SUDS3: variants seen among roughly 807,000 people sequenced by gnomAD.
The protein encoded by SUDS3 is SIN3A corepressor complex component SDS3.
Under a neutral mutation model 53.5 loss-of-function variants are expected in SUDS3, and 23 were observed. The observed-to-expected ratio is 0.43, with a 90% CI of 0.31 to 0.61. The LOEUF is 0.61. SUDS3 is among the 20% of genes least tolerant of loss of function. The pLI is 0.10. For missense variants in SUDS3, 291 were observed against 405.9 expected, an observed-to-expected ratio of 0.72 and a Z score of 2.43; for synonymous variants, 150 against 148.5, an observed-to-expected ratio of 1.01 and a Z score of -0.08.
intron 11 of SUDS3, among the ~76,000 whole-genome samples, chr12:118,412,529 T>G (rs1292390232): frequency 6.6e-6 from 1 of 152,180 alleles, no homozygotes; most frequent in African/African-American, 2.4e-5. Context: ...AGGATCCGTG[T>G]GAGTCCCCTC....
intron 2 of SUDS3, 70 bp downstream of exon 2, chr12:118,380,301 C>A: frequency 7.3e-7 from 1 of 1,361,164 alleles, no homozygotes; most frequent in Non-Finnish European, 1.0e-6. Context: ...TTGAGCATCC[C>A]AAATCTGAAA....
At chr12:118,388,897 C>G (rs2141368304) in intron 4 of SUDS3, among the ~76,000 whole-genome samples, 1 of 152,268 alleles carries the variant, frequency 6.6e-6, no homozygotes, top group Admixed American at 6.5e-5. Flanking sequence ...GCCTGTAATC[C>G]CAGCACTCTG....
chr12:118,412,095 C>G (rs955366455), intron 11 of SUDS3, among the ~76,000 whole-genome samples: 5 of 152,122 alleles, frequency 3.3e-5, no homozygotes, highest in African/African-American at 9.7e-5. Flanking sequence ...TTGGTCTCCT[C>G]GAGACACTCC....
chr12:118,403,422 C>T lies in SUDS3; in HGVS notation c.708C>T (p.Ser236=). ...ATTGGTTTCCTCCAGCATCTCCATCCTCTCCTGAGCACTTGCCTGCAACAC... is the reference window on the plus strand; with the variant it reads ...ATTGGTTTCCTCCAGCATCTCCATCTTCTCCTGAGCACTTGCCTGCAACAC... ...LKSPKRPASP[S]SPEHLPATPA... Residue 236 remains serine (S), a synonymous_variant, in exon 10 of 12, where the codon TCC becomes TCT. Transcript: ENST00000543473. 1 of 1,613,432 alleles carries T rather than the reference C, an allele frequency of 6.2e-7. No homozygotes were observed. Among genetic ancestry groups the T allele is most frequent in the Non-Finnish European group, 8.5e-7 (1 of 1,179,670 alleles).
At chr12:118,403,551 C>G in intron 10 of SUDS3, 34 bp downstream of exon 10, 1 of 1,538,122 alleles carries the variant, frequency 6.5e-7, no homozygotes, top group Non-Finnish European at 8.9e-7. Context: ...TAGTAAGAGT[C>G]TCATATGAAC....
intron 6 of SUDS3, among the ~76,000 whole-genome samples, chr12:118,391,575 T>C (rs1190516241): frequency 6.6e-6 from 1 of 152,254 alleles, no homozygotes; most frequent in Non-Finnish European, 1.5e-5. Flanking sequence ...GTTCAATAGT[T>C]GCTAGACCTT....
chr12:118,403,364 G>A (rs752392905), intron 9 of SUDS3, 48 bp from the exon 10 acceptor site: 34 of 1,401,744 alleles, frequency 2.4e-5, no homozygotes, highest in Admixed American at 1.6e-4. Context: ...TGGTAGACTC[G>A]CATGTGTTTG....
At chr12:118,395,216 GTTTTTTT>G (rs71772462) in intron 6 of SUDS3, among the ~76,000 whole-genome samples, 6 of 80,096 alleles carry the variant, frequency 7.5e-5, no homozygotes, top group Admixed American at 1.6e-4. Flanking sequence ...TGGAATCAGG[GTTTTTTT>G]TTTTTTTTTT....
chr12:118,386,195 C>CT lies in SUDS3; in HGVS notation c.340+13dup. 3 of 1,585,422 alleles carry CT rather than the reference C, an allele frequency of 1.9e-6. No individual in the cohort carries two copies. The highest frequency in any genetic ancestry group is 2.6e-6 in the Non-Finnish European group (3 of 1,163,896). On this transcript the variant is annotated intron_variant, in intron 4 of 11. Transcript: ENST00000543473. Reference sequence around the variant, plus strand: ...AGGATACGGAATGCAGGTAAGGCTCCTTTAAATGGCAATGAATCATCTTTC... The same window carrying CT: ...AGGATACGGAATGCAGGTAAGGCTCCTTTTAAATGGCAATGAATCATCTTTC...
In SUDS3 at chr12:118,403,449, C is replaced by A; in HGVS notation, c.735C>A (p.Pro245=). 1 of 1,613,736 alleles carries A rather than the reference C, an allele frequency of 6.2e-7. No individual in the cohort carries two copies. The highest frequency in any genetic ancestry group is 8.5e-7 in the Non-Finnish European group (1 of 1,179,822). ...PSSPEHLPAT[P]AESPAQRFEA... ...CTCCTGAGCACTTGCCTGCAACACC[C>A]GCGGAATCTCCAGCCCAGAGGTTCG... The change falls in exon 10 of 12, where the codon CCC becomes CCA. Residue 245 remains proline (P), a synonymous_variant. Coordinates refer to ENST00000543473, the MANE Select transcript of SUDS3 (RefSeq NM_022491.3).
intron 2 of SUDS3, among the ~76,000 whole-genome samples, chr12:118,382,287 A>G (rs776325987): frequency 1.3e-5 from 2 of 150,730 alleles, no homozygotes; most frequent in Non-Finnish European, 3.0e-5. Context: ...ACCTCAGATG[A>G]TCTGCTTGCT....
chr12:118,378,011 A>T (rs2046017523), intron 1 of SUDS3, among the ~76,000 whole-genome samples: 1 of 152,218 alleles, frequency 6.6e-6, no homozygotes, highest in African/African-American at 2.4e-5. Flanking sequence ...CATTCGATTT[A>T]ATTCCATCAG....
intron 6 of SUDS3, among the ~76,000 whole-genome samples, chr12:118,396,861 A>AT (rs1566203759): frequency 6.6e-6 from 1 of 152,086 alleles, no homozygotes; most frequent in African/African-American, 2.4e-5. Flanking sequence ...CTGAGCTCCC[A>AT]TTTTTTAGAT....
intron 1 of SUDS3, among the ~76,000 whole-genome samples, chr12:118,378,994 T>G (rs756830053): frequency 4.7e-5 from 7 of 150,496 alleles, no homozygotes; most frequent in Non-Finnish European, 1.0e-4. Flanking sequence ...GTGTTTTTAG[T>G]AGAGATGGGG....
In SUDS3 at chr12:118,414,643, C is replaced by A; in HGVS notation, c.*210C>A. Reference sequence around the variant, plus strand: ...CTTTTCTGCCTCAACTTCTTCCAGACATCAGTCACCATGAGACTGTTTTAC... The same window carrying A: ...CTTTTCTGCCTCAACTTCTTCCAGAAATCAGTCACCATGAGACTGTTTTAC... On this transcript the variant is annotated 3_prime_UTR_variant, in exon 12 of 12. Transcript: ENST00000543473. 1 of 465,786 alleles carries A rather than the reference C, an allele frequency of 2.1e-6. No individual in the cohort carries two copies. The highest frequency in any genetic ancestry group is 2.0e-5 in the African/African-American group (1 of 49,624). The allele number at this position is 465,786 out of a possible 1,614,324, so 28.9% of individuals were successfully genotyped here. A position where few individuals can be genotyped will look rare whatever the true frequency, so the allele number is the denominator to read the frequency against.
chr12:118,379,897 G>A (rs2046039418), intron 1 of SUDS3, among the ~76,000 whole-genome samples: 1 of 152,188 alleles, frequency 6.6e-6, no homozygotes, highest in Non-Finnish European at 1.5e-5. Flanking sequence ...GTATCTATGG[G>A]GGACTGGTTC....
chr12:118,396,875 G>A (rs1018576233), intron 6 of SUDS3, among the ~76,000 whole-genome samples: 12 of 152,182 alleles, frequency 7.9e-5, no homozygotes, highest in South Asian at 2.1e-4. Flanking sequence ...TTTAGATGTC[G>A]GAATCTGTGC....
chr12:118,411,220 C>A, intron 11 of SUDS3, 63 bp downstream of exon 11: 1 of 1,456,950 alleles, frequency 6.9e-7, no homozygotes, highest in Non-Finnish European at 9.4e-7. Context: ...GTTGGTAGGG[C>A]AAACCTGAAA....
intron 6 of SUDS3, 22 bp downstream of exon 6, chr12:118,391,304 G>C: frequency 1.9e-6 from 3 of 1,589,472 alleles, no homozygotes; most frequent in Non-Finnish European, 2.6e-6. Flanking sequence ...CTATGGGGTG[G>C]GATCTTGGGG....
Sources: allele counts gnomAD v4.1 joint callset (sites outside exome capture counted in the v4.1 genomes callset), GRCh38; gene constraint gnomAD v4.1.1; transcripts MANE v1.5; gene names NCBI Gene and HGNC (gene_info 2026-07-23, HGNC 2026-07-21).